LHCGR: variants seen among roughly 807,000 people sequenced by gnomAD.
LHCGR encodes luteinizing hormone/choriogonadotropin receptor.
LHCGR carries 55 observed loss-of-function variants against 60.7 expected under a neutral mutation model. The observed-to-expected ratio is 0.91, with a 90% CI of 0.73 to 1.13. LHCGR has a LOEUF of 1.13. Among genes scored for constraint, LHCGR ranks in the 50% most tolerant of loss-of-function variants. The pLI is 0.00. For synonymous variants in LHCGR, 337 were observed against 316.5 expected, an observed-to-expected ratio of 1.06 and a Z score of -0.69; for missense variants, 862 against 836.0, an observed-to-expected ratio of 1.03 and a Z score of -0.38.
intron 6 of LHCGR, chr2:48,719,973 A>T (rs1008529312): frequency 4.6e-5 from 7 of 151,812 alleles, no homozygotes; most frequent in Non-Finnish European, 1.0e-4. Flanking sequence ...TGCCAGGCAA[A>T]TAAATGACTA....
In LHCGR at chr2:48,709,039, T is replaced by C. The variant is rs1229374805; in HGVS notation, c.606-17A>G. 2.5e-6 allele frequency: 4 copies of C among 1,604,562 alleles called. No homozygotes were observed. The highest frequency in any genetic ancestry group is 3.4e-6 in the Non-Finnish European group (4 of 1,171,202). ...TTTAGCTCCCTGTGGGGAAGGATAT[T>C]GCCCTTAGTGGAGTTTGTACCTCAT... On this transcript the variant is annotated splice_polypyrimidine_tract_variant and intron_variant, in intron 7 of 10. Coordinates refer to ENST00000294954, the MANE Select transcript of LHCGR (RefSeq NM_000233.4).
intron 2 of LHCGR, among the ~76,000 whole-genome samples, chr2:48,730,880 G>A (rs1668956617): frequency 6.6e-6 from 1 of 151,794 alleles, no homozygotes; most frequent in African/African-American, 2.4e-5. Context: ...TTTCCTATGT[G>A]GGTGTTATCT....
rs1670180472 is a variant in LHCGR at position 48,755,664 on chromosome 2, T to A, written c.8A>T (p.Gln3Leu). Residue 3 changes from glutamine (Q) to leucine (L), a missense_variant, in exon 1 of 11, where the codon CAG (glutamine) becomes CTG (leucine). Gln to Leu is a moderately radical substitution (Grantham distance 113). Transcript: ENST00000294954. ...CAGCAGCTGCAGCGCCGAGAACCGC[T>A]GCTTCATGGCCGGCGAACTGGGCTT... MK[Q>L]RFSALQLLKL... is the part of the protein sequence containing the mutation. The A allele has an allele frequency of 6.5e-7, 1 of 1,535,226 alleles. No individual in the cohort carries two copies. Among genetic ancestry groups the A allele is most frequent in the South Asian group, 1.2e-5 (1 of 83,946 alleles).
chr2:48,725,160 T>G (rs935413356), intron 4 of LHCGR, among the ~76,000 whole-genome samples: 1 of 152,144 alleles, frequency 6.6e-6, no homozygotes, highest in South Asian at 2.1e-4. Flanking sequence ...TTAGTTAGAA[T>G]TAATGGGAAG....
At chr2:48,750,811 C>T (rs576966157) in intron 1 of LHCGR, among the ~76,000 whole-genome samples, 1 of 152,186 alleles carries the variant, frequency 6.6e-6, no homozygotes, top group Non-Finnish European at 1.5e-5. Flanking sequence ...GGAATTTCCC[C>T]CTGCCCCCTC....
rs1413907405 is a variant in LHCGR at position 48,728,422 on chromosome 2, C to G, written c.308+731G>C. ...CTCCAAAGTAGGTAAAGTTTGAGTGCTCTTCTGGAAACTCAGGTTTGCGCC... is the reference window on the plus strand; with the variant it reads ...CTCCAAAGTAGGTAAAGTTTGAGTGGTCTTCTGGAAACTCAGGTTTGCGCC... On this transcript the variant is annotated intron_variant, in intron 3 of 10. Transcript: ENST00000294954. Among the ~76,000 whole-genome samples the G allele has an allele frequency of 1.1e-4, 16 of 152,292 alleles. 1 individual carries two copies. In the East Asian group the frequency reaches 2.9e-3, roughly 28 times the overall value.
intron 1 of LHCGR, among the ~76,000 whole-genome samples, chr2:48,746,849 A>T (rs1377523377): frequency 6.6e-6 from 1 of 152,184 alleles, no homozygotes; most frequent in East Asian, 1.9e-4. Context: ...GGTAAATAAA[A>T]CTACATGTTG....
intron 1 of LHCGR, among the ~76,000 whole-genome samples, chr2:48,755,000 C>A (rs1259080649): frequency 6.6e-6 from 1 of 152,102 alleles, no homozygotes; most frequent in Non-Finnish European, 1.5e-5. Context: ...TGTGTGCTCA[C>A]TAAGATGCCC....
At chr2:48,749,696 A>G (rs1192485939) in intron 1 of LHCGR, among the ~76,000 whole-genome samples, 1 of 151,200 alleles carries the variant, frequency 6.6e-6, no homozygotes, top group Non-Finnish European at 1.5e-5. Flanking sequence ...GCCCTGAATT[A>G]ATCTGATTTA....
intron 10 of LHCGR, among the ~76,000 whole-genome samples, chr2:48,691,845 C>CA (rs60937994): frequency 0.052 from 4,517 of 87,462 alleles, 122 homozygotes; most frequent in Middle Eastern, 0.15. Context: ...GATTCTGTCT[C>CA]AAAAAAAAAA....
chr2:48,736,716 GT>G (rs1327239268), intron 1 of LHCGR, among the ~76,000 whole-genome samples: 1 of 152,056 alleles, frequency 6.6e-6, no homozygotes, highest in Non-Finnish European at 1.5e-5. Context: ...TAGAAGATTT[GT>G]TTTGTATGTT....
chr2:48,713,926 T>C, intron 7 of LHCGR, 60 bp downstream of exon 7: 1 of 1,271,894 alleles, frequency 7.9e-7, no homozygotes, highest in East Asian at 2.3e-5. Flanking sequence ...GAATGTGATC[T>C]TGTAGCCAGA....
intron 6 of LHCGR, chr2:48,720,638 C>T (rs1668457299): frequency 6.6e-6 from 1 of 152,474 alleles, no homozygotes; most frequent in East Asian, 1.9e-4. Context: ...GTAGTAGCCT[C>T]ATCCTGTTCT....
At chr2:48,748,845 T>C (rs1375978643) in intron 1 of LHCGR, among the ~76,000 whole-genome samples, 1 of 152,184 alleles carries the variant, frequency 6.6e-6, no homozygotes, top group Non-Finnish European at 1.5e-5. Flanking sequence ...ATTGAGCCAA[T>C]ACCTACAGTG....
intron 6 of LHCGR, among the ~76,000 whole-genome samples, chr2:48,717,542 C>CTTATTATTATTA (rs34793365): frequency 0.064 from 9,602 of 151,012 alleles, 435 homozygotes; most frequent in Middle Eastern, 0.12. Context: ...ATGTGTTGAT[C>CTTATTATTATTA]TTATTATTAT....
At chr2:48,735,942 A>G (rs1572880797) in intron 1 of LHCGR, among the ~76,000 whole-genome samples, 1 of 152,212 alleles carries the variant, frequency 6.6e-6, no homozygotes, top group Admixed American at 6.5e-5. Flanking sequence ...TGCTCTTATG[A>G]GAGTGAGTGA....
At chr2:48,736,380 C>G (rs910164349) in intron 1 of LHCGR, among the ~76,000 whole-genome samples, 3 of 152,156 alleles carry the variant, frequency 2.0e-5, no homozygotes, top group Admixed American at 1.3e-4. Flanking sequence ...CTGACTTGAT[C>G]CCCTTCCCAG....
At chr2:48,694,823 C>T (rs1392467536) in intron 9 of LHCGR, among the ~76,000 whole-genome samples, 1 of 152,076 alleles carries the variant, frequency 6.6e-6, no homozygotes, top group Admixed American at 6.5e-5. Context: ...CCATCTTTCC[C>T]TCTAAGAAGT....
chr2:48,736,191 C>A (rs1042525019), intron 1 of LHCGR, among the ~76,000 whole-genome samples: 1 of 152,096 alleles, frequency 6.6e-6, no homozygotes, highest in Non-Finnish European at 1.5e-5. Context: ...TGAGAATGGA[C>A]CAATACACAG....
Sources: allele counts gnomAD v4.1 joint callset (sites outside exome capture counted in the v4.1 genomes callset), GRCh38; gene constraint gnomAD v4.1.1; transcripts MANE v1.5; gene names NCBI Gene and HGNC (gene_info 2026-07-23, HGNC 2026-07-21).